The following DHRS7C variants were observed in gnomAD, a reference collection of about 807,000 sequenced individuals.
DHRS7C encodes dehydrogenase/reductase SDR family member 7C.
DHRS7C carries 28 observed loss-of-function variants against 29.6 expected under a neutral mutation model. The ratio of observed to expected loss-of-function variants is 0.95; its 90% CI spans 0.70 to 1.30. The LOEUF (loss-of-function observed/expected upper bound fraction) is 1.30, where lower values mean the gene tolerates loss of function less well. DHRS7C is among the 50% of genes most tolerant of loss of function. The pLI is 0.00. For missense variants in DHRS7C, 403 were observed against 393.3 expected (o/e 1.02, Z -0.21); for synonymous variants, 158 against 160.2 (o/e 0.99, Z 0.10).
intron 4 of DHRS7C, 104 bp from the exon 5 acceptor site, chr17:9,773,026 G>A (rs950328112): frequency 1.5e-6 from 2 of 1,377,582 alleles, no homozygotes; most frequent in Non-Finnish European, 2.0e-6. Flanking sequence ...TCCTACAGGC[G>A]CAGAGCTGGG....
At chr17:9,783,966 TA>T (rs58087255) in intron 1 of DHRS7C, among the ~76,000 whole-genome samples, 8,843 of 149,232 alleles carry the variant, frequency 0.059, 360 homozygotes, top group East Asian at 0.23. Flanking sequence ...TTTTTTTTTT[TA>T]AAATGGTATT....
Position 9,775,954 on chromosome 17 carries a change from C to T in DHRS7C, c.571+1239G>A, listed in dbSNP as rs1323268229. On this transcript the variant is annotated intron_variant, in intron 4 of 5. Transcript: ENST00000571134. The surrounding 1 kb of genome is among the most constrained non-coding windows in gnomAD (Gnocchi z 4.2). ...TGGTGGCTCACGCCTGTAATCCCAG[C>T]ACTTTGGGAGGTCAAGGCGGGTGAA... Among the ~76,000 whole-genome samples the T allele has an allele frequency of 6.6e-6, 1 of 152,222 alleles. No homozygotes were observed. Among genetic ancestry groups the T allele is most frequent in the Non-Finnish European group, 1.5e-5 (1 of 68,032 alleles).
chr17:9,777,059 GAA>G (rs1206816981), intron 4 of DHRS7C, 132 bp downstream of exon 4: 2 of 708,166 alleles, frequency 2.8e-6, no homozygotes, highest in Non-Finnish European at 4.4e-6. Context: ...AGGGATGAAA[GAA>G]AATCCAGCAG....
At chr17:9,783,680 T>C (rs1266199527) in intron 1 of DHRS7C, among the ~76,000 whole-genome samples, 2 of 152,134 alleles carry the variant, frequency 1.3e-5, no homozygotes, top group Admixed American at 1.3e-4. Flanking sequence ...ACGTAAAAAG[T>C]GGGAGCTGGG....
intron 5 of DHRS7C, among the ~76,000 whole-genome samples, 169 bp from the exon 6 acceptor site, chr17:9,771,865 C>T (rs998657313): frequency 1.3e-5 from 2 of 152,256 alleles, no homozygotes; most frequent in African/African-American, 2.4e-5. Flanking sequence ...GCGGGAGACA[C>T]TCCACTCTCT....
chr17:9,788,311 A>G (rs2066435820), intron 1 of DHRS7C, among the ~76,000 whole-genome samples: 4 of 152,140 alleles, frequency 2.6e-5, no homozygotes, highest in Admixed American at 2.0e-4. Context: ...GGTTCAAGCA[A>G]TCCTCCTGCC....
chr17:9,773,489 G>T (rs1205972547), intron 4 of DHRS7C, among the ~76,000 whole-genome samples: 1 of 152,160 alleles, frequency 6.6e-6, no homozygotes, highest in Non-Finnish European at 1.5e-5. Context: ...CATTCCAGGA[G>T]TTCCAAAAAG....
rs1312757039 is a variant in DHRS7C at position 9,774,440 on chromosome 17, A to G, written c.572-1518T>C. On this transcript the variant is annotated intron_variant, in intron 4 of 5. Coordinates refer to ENST00000571134, the MANE Select transcript of DHRS7C (RefSeq NM_001105571.3). This position sits in a 1 kb window ranked among gnomAD's most constrained non-coding sequence, Gnocchi z 5.0. The stretch of plus-strand genomic sequence containing the variant: ...ACTGAGATTATGGGTACACACCATC[A>G]TGCCTGGCTAATTTTTGTATTTTTA... 1.3e-5 allele frequency among the ~76,000 whole-genome samples: 2 copies of G among 152,058 alleles called. No homozygotes were observed. The highest frequency in any genetic ancestry group is 3.9e-4 in the East Asian group (2 of 5,168).
chr17:9,780,361 G>T (rs1366418517), intron 2 of DHRS7C, among the ~76,000 whole-genome samples: 2 of 152,014 alleles, frequency 1.3e-5, no homozygotes, highest in Non-Finnish European at 2.9e-5. Context: ...GACTCCAGTG[G>T]TGACATCATT....
intron 3 of DHRS7C, among the ~76,000 whole-genome samples, chr17:9,777,689 C>T (rs1345314141): frequency 1.3e-5 from 2 of 152,028 alleles, no homozygotes; most frequent in South Asian, 2.1e-4. Flanking sequence ...ACGCTCATCT[C>T]GGTAGTAAGA....
intron 3 of DHRS7C, among the ~76,000 whole-genome samples, chr17:9,778,432 A>G (rs1278564623): frequency 6.6e-6 from 1 of 151,740 alleles, no homozygotes; most frequent in African/African-American, 2.4e-5. Flanking sequence ...GAAAAAAACC[A>G]AGATGGACAA....
intron 3 of DHRS7C, among the ~76,000 whole-genome samples, chr17:9,778,286 C>T (rs1435920036): frequency 2.0e-5 from 3 of 150,888 alleles, no homozygotes; most frequent in Non-Finnish European, 4.4e-5. Context: ...CCCAGCTACT[C>T]AGGAGGCTGA....
At chr17:9,788,433 C>T (rs912340667) in intron 1 of DHRS7C, among the ~76,000 whole-genome samples, 10 of 152,026 alleles carry the variant, frequency 6.6e-5, no homozygotes, top group African/African-American at 2.4e-4. Context: ...TCTCGAACTC[C>T]TGACCTCAAG....
chr17:9,789,700 T>C (rs11657355), intron 1 of DHRS7C, among the ~76,000 whole-genome samples: 23,542 of 152,228 alleles, frequency 0.15, 2,427 homozygotes, highest in Non-Finnish European at 0.24. Context: ...GTTAGCAGCC[T>C]GGTGCAATGC....
Position 9,781,571 on chromosome 17 carries a change from C to T in DHRS7C, c.178G>A (p.Gly60Ser), listed in dbSNP as rs776267364. Reference sequence around the variant, plus strand: ...CCACACAGCACCAGCCTTGCCCCACCTGTGTGGAACACCCGAGCACACTCT... The same window carrying T: ...CCACACAGCACCAGCCTTGCCCCACTTGTGTGGAACACCCGAGCACACTCT... ...GKECARVFHT[G>S]GARLVLCGKN... Residue 60 changes from glycine to serine, a missense_variant, in exon 2 of 6, where the codon GGT becomes AGT. Transcript: ENST00000571134. The T allele has an allele frequency of 4.3e-6, 7 of 1,613,940 alleles. No individual in the cohort carries two copies. Among genetic ancestry groups the T allele is most frequent in the Non-Finnish European group, 5.9e-6 (7 of 1,179,890 alleles).
intron 1 of DHRS7C, among the ~76,000 whole-genome samples, chr17:9,786,291 C>A (rs188478690): frequency 1.9e-3 from 280 of 151,188 alleles, no homozygotes; most frequent in African/African-American, 6.6e-3. Flanking sequence ...CGTGCCACTG[C>A]ACTCCAGCTT....
At chr17:9,785,778 T>C (rs2066419922) in intron 1 of DHRS7C, among the ~76,000 whole-genome samples, 1 of 152,180 alleles carries the variant, frequency 6.6e-6, no homozygotes, top group Non-Finnish European at 1.5e-5. Flanking sequence ...CTTATAGCAC[T>C]GTCAGTTGGG....
chr17:9,785,703 GC>G (rs1033888037), intron 1 of DHRS7C, among the ~76,000 whole-genome samples: 2 of 152,196 alleles, frequency 1.3e-5, no homozygotes, highest in African/African-American at 4.8e-5. Context: ...ACATGAAAGT[GC>G]CCACGAGAGA....
At chr17:9,788,397 G>T (rs1184535886) in intron 1 of DHRS7C, among the ~76,000 whole-genome samples, 1 of 151,850 alleles carries the variant, frequency 6.6e-6, no homozygotes, top group Non-Finnish European at 1.5e-5. Context: ...AGTAGAGACG[G>T]GGTTTTACCA....
Sources: allele counts gnomAD v4.1 joint callset (sites outside exome capture counted in the v4.1 genomes callset), GRCh38; gene constraint gnomAD v4.1.1; non-coding constraint Gnocchi (gnomAD v3.1); transcripts MANE v1.5; gene names NCBI Gene and HGNC (gene_info 2026-07-23, HGNC 2026-07-21).